The following PKD1 variants were observed in gnomAD, a reference collection of about 807,000 sequenced individuals.
PKD1 encodes the protein polycystin-1.
In PKD1, 81 loss-of-function variants were observed where a neutral mutation model predicts 361.7. That is an observed-to-expected ratio of 0.22 (90% confidence interval 0.19 to 0.27). PKD1 has a LOEUF of 0.27. Among genes scored for constraint, PKD1 ranks in the 10% least tolerant of loss-of-function variants. PKD1 has a pLI of 1.00. For synonymous variants in PKD1, 3,615 were observed against 2,818.3 expected, an observed-to-expected ratio of 1.28 and a Z score of -8.95; for missense variants, 6,399 against 6,118.3, an observed-to-expected ratio of 1.05 and a Z score of -1.53.
rs146430229 is a variant in PKD1, at chr16:2,090,595, G to A, written c.12139-5C>T. ...GTCCACACAGGAAGACACGAGCTGC[G>A]GGGAAGGCGACACCAGTGAGGGCGT... On this transcript the variant is annotated splice_region_variant and splice_polypyrimidine_tract_variant and intron_variant, in intron 44 of 45. Coordinates refer to ENST00000262304, the MANE Select transcript of PKD1 (RefSeq NM_001009944.3). 7.0e-4 allele frequency: 1,130 copies of A among 1,608,366 alleles called. No individual in the cohort carries two copies. Among genetic ancestry groups the A allele is most frequent in the Middle Eastern group, 2.0e-3 (12 of 6,038 alleles).
At chr16:2,119,092 C>G (rs1432545106) in intron 3 of PKD1, 22 bp downstream of exon 3, 1 of 1,143,278 alleles carries the variant, frequency 8.7e-7, no homozygotes, top group East Asian at 2.5e-5. Context: ...GCCAGGACCC[C>G]ACCCAAAGAA....
intron 1 of PKD1, among the ~76,000 whole-genome samples, chr16:2,125,152 G>T (rs186313899): frequency 6.6e-6 from 1 of 152,220 alleles, no homozygotes; most frequent in Non-Finnish European, 1.5e-5. Context: ...CGGCTTCCAG[G>T]GCCGGAAATG....
intron 38 of PKD1, 128 bp downstream of exon 38, chr16:2,092,826 G>C (rs1228586323): frequency 8.5e-7 from 1 of 1,180,424 alleles, no homozygotes; most frequent in Admixed American, 1.7e-5. Context: ...ACTGATGCCA[G>C]CAGCACCTAC....
At position 2,091,157 on chromosome 16, in the gene PKD1, G is replaced by A. The variant is rs776161598; in HGVS notation, c.11730C>T (p.Phe3910=). The A allele has an allele frequency of 3.6e-5, 52 of 1,457,714 alleles. No homozygotes were observed. Among genetic ancestry groups the A allele is most frequent in the Admixed American group, 4.8e-5 (2 of 41,770 alleles). The allele number at this position is 1,457,714 out of a possible 1,614,324, so 90.3% of individuals were successfully genotyped here. ...CCTCGGCCACGGCGAAGTGCACGGCGAACAGCAGCAGGCACACCTGTGGGG... is the reference window on the plus strand; with the variant it reads ...CCTCGGCCACGGCGAAGTGCACGGCAAACAGCAGCAGGCACACCTGTGGGG... The part of the protein sequence containing the change: ...PLLTSVCLLL[F]AVHFAVAEAR... Residue 3910 remains phenylalanine, a synonymous_variant, in exon 43 of 46, where the codon TTC becomes TTT. Coordinates refer to ENST00000262304, the MANE Select transcript of PKD1 (RefSeq NM_001009944.3).
At position 2,111,668 on chromosome 16, in the gene PKD1, A is replaced by G. The variant is rs769818833; in HGVS notation, c.3499T>C (p.Ser1167Pro). ...VLYTWDFGDG[S>P]PVLTQSQPAA... ...GGCTGGCTCTGGGTCAGGACAGGGG[A>G]GCCGTCCCCGAAGTCCCACGTGTAA... Residue 1167 changes from serine to proline, a missense_variant, in exon 15 of 46, where the codon TCC becomes CCC. Ser to Pro is a moderately conservative substitution (Grantham distance 74). Transcript: ENST00000262304. 7.6e-6 allele frequency: 12 copies of G among 1,575,330 alleles called. No individual in the cohort carries two copies. The South Asian group carries it at 1.3e-4, about 17-fold the overall frequency.
chr16:2,115,957 G>GCC, intron 9 of PKD1, 35 bp downstream of exon 9: 1 of 1,506,832 alleles, frequency 6.6e-7, no homozygotes, highest in Non-Finnish European at 9.0e-7. Context: ...GTCCTGCGGC[G>GCC]CCCACCACCC....
In PKD1 at chr16:2,102,585, G is replaced by A. The variant is rs770212765; in HGVS notation, c.8997C>T (p.Phe2999=). The change falls in exon 25 of 46, where the codon TTC becomes TTT. Residue 2999 remains phenylalanine (F), a synonymous_variant. Coordinates refer to ENST00000262304, the MANE Select transcript of PKD1 (RefSeq NM_001009944.3). The stretch of plus-strand genomic sequence containing the variant: ...CGGACACCTGCAGCGCCGACCAGCG[G>A]AAGTGGCTGGAGAGGTTCAGATGGT... ...GSYHLNLSSH[F]RWSALQVSVG... is the part of the protein sequence containing the mutation. 4 of 1,611,050 alleles carry A rather than the reference G, an allele frequency of 2.5e-6. No homozygotes were observed. The highest frequency in any genetic ancestry group is 4.5e-5 in the East Asian group (2 of 44,894).
rs2092065209 is a variant in PKD1 at position 2,100,793 on chromosome 16, G to A, written c.9398-227C>T. ...AGTTACATGGAAAGAACTGTAACTTGTGACATGCAAACATGGCTGCACACG... is the reference window on the plus strand; with the variant it reads ...AGTTACATGGAAAGAACTGTAACTTATGACATGCAAACATGGCTGCACACG... On this transcript the variant is annotated intron_variant, in intron 26 of 45. Transcript: ENST00000262304. The surrounding 1 kb of genome is among the most constrained non-coding windows in gnomAD (Gnocchi z 4.4). 5.2e-6 allele frequency: 3 copies of A among 582,112 alleles called. No homozygotes were observed. Among genetic ancestry groups the A allele is most frequent in the Non-Finnish European group, 9.3e-6 (3 of 324,202 alleles). The allele number at this position is 582,112 out of a possible 1,614,324, so 36.1% of individuals were successfully genotyped here. A position where few individuals can be genotyped will look rare whatever the true frequency, so the allele number is the denominator to read the frequency against.
chr16:2,129,718 GTTCTT>G, intron 1 of PKD1, among the ~76,000 whole-genome samples: 1 of 151,338 alleles, frequency 6.6e-6, no homozygotes, highest in African/African-American at 2.4e-5. Context: ...CCCGGCCAAT[GTTCTT>G]TTATTTTTTA....
chr16:2,126,011 G>T (rs1218962851), intron 1 of PKD1, among the ~76,000 whole-genome samples: 2 of 152,084 alleles, frequency 1.3e-5, no homozygotes, highest in Non-Finnish European at 2.9e-5. Context: ...TGGTGGGGGG[G>T]GGGGCAAGCA....
At chr16:2,101,619 A>T (rs1434913743) in intron 26 of PKD1, among the ~76,000 whole-genome samples, 1 of 152,232 alleles carries the variant, frequency 6.6e-6, no homozygotes, top group East Asian at 1.9e-4. Flanking sequence ...CTCCGTCTCT[A>T]AAAAAAGAAA....
chr16:2,101,170 T>C (rs1011476932), intron 26 of PKD1, among the ~76,000 whole-genome samples: 2 of 152,000 alleles, frequency 1.3e-5, no homozygotes, highest in South Asian at 2.1e-4. Flanking sequence ...GTACTTTTTA[T>C]TAGAGACAGG....
chr16:2,096,519 A>AT (rs150368306), intron 34 of PKD1, among the ~76,000 whole-genome samples: 8,688 of 151,900 alleles, frequency 0.057, 325 homozygotes, highest in Non-Finnish European at 0.076. Flanking sequence ...AAATTGAGGA[A>AT]TTTTTTTGTT....
In PKD1 at chr16:2,100,985, T is replaced by A. The variant is rs531528257; in HGVS notation, c.9398-419A>T. ...CCAGTGACAGACCCAGGTGACAGTA[T>A]TTTTTTTCTTTTTTTTTTGAGATGG... On this transcript the variant is annotated intron_variant, in intron 26 of 45. Transcript: ENST00000262304. The surrounding 1 kb of genome is among the most constrained non-coding windows in gnomAD (Gnocchi z 4.4). Among the ~76,000 whole-genome samples the A allele has an allele frequency of 1.5e-3, 230 of 151,796 alleles. No individual in the cohort carries two copies. Among genetic ancestry groups the A allele is most frequent in the South Asian group, 5.4e-3 (26 of 4,796 alleles).
chr16:2,100,014 A>C lies in PKD1; in HGVS notation c.9770T>G (p.Phe3257Cys). Residue 3257 changes from phenylalanine to cysteine, a missense_variant, in exon 29 of 46, where the codon TTC becomes TGC. Physicochemically the swap from Phe to Cys is radical, Grantham distance 205. Transcript: ENST00000262304. The surrounding 1 kb of genome is among the most constrained non-coding windows in gnomAD (Gnocchi z 4.4). ...GGAGAGCCAGATGTGCTTGTCAAAG[A>C]AGCCACGCTGCAGCTCAGCCACCAG... ...RLLVAELQRG[F>C]FDKHIWLSIW... The C allele has an allele frequency of 6.4e-7, 1 of 1,573,366 alleles. No individual in the cohort carries two copies. Among genetic ancestry groups the C allele is most frequent in the Non-Finnish European group, 8.6e-7 (1 of 1,161,016 alleles).
intron 25 of PKD1, 35 bp from the exon 26 acceptor site, chr16:2,102,291 C>T (rs979193258): frequency 2.5e-5 from 37 of 1,471,406 alleles, no homozygotes; most frequent in South Asian, 3.6e-5. Flanking sequence ...CAGGAGGTCA[C>T]GTGCAAGCTG....
chr16:2,103,341 C>T lies in PKD1; in HGVS notation c.8716G>A (p.Gly2906Ser), dbSNP rs376611349. Residue 2906 changes from glycine to serine, a missense_variant, in exon 23 of 46, where the codon GGT (glycine) becomes AGT (serine). Transcript: ENST00000262304. The part of the protein sequence containing the change: ...SVVVQPQASV[G>S]AVVTLDSSNP... ...CTGCTGTCCAGGGTGACCACAGCAC[C>T]GACGGAGGCCTGGGGCTGGACCACA... 131 of 1,606,002 alleles carry T rather than the reference C, an allele frequency of 8.2e-5. No individual in the cohort carries two copies. The highest frequency in any genetic ancestry group is 6.9e-4 in the South Asian group (63 of 90,978).
At chr16:2,131,821 T>G (rs1222726079) in intron 1 of PKD1, 1 of 151,838 alleles carries the variant, frequency 6.6e-6, no homozygotes, top group African/African-American at 2.4e-5. Flanking sequence ...AGACTCCGTC[T>G]CAAACAAAAC....
At position 2,114,306 on chromosome 16, in the gene PKD1, TC is replaced by T. The variant is rs1245949015; in HGVS notation, c.2716del (p.Glu906SerfsTer21). The T allele has an allele frequency of 6.2e-7, 1 of 1,610,412 alleles. No homozygotes were observed. Among genetic ancestry groups the T allele is most frequent in the African/African-American group, 1.3e-5 (1 of 74,936 alleles). ...VVALPWLSEGEHVVDVVVENS... is the reference protein window; with the variant it reads ...VVALPWLSEGXHVVDVVVENS... ...TTCCACCACCACGTCCACCACGTGC[TC>T]CCCCTCACTGAGCCACGGCAGTGCT... On this transcript the variant is annotated frameshift_variant, in exon 11 of 46. Transcript: ENST00000262304. LOFTEE classifies it high-confidence loss of function.
Sources: allele counts gnomAD v4.1 joint callset (sites outside exome capture counted in the v4.1 genomes callset), GRCh38; gene constraint gnomAD v4.1.1; non-coding constraint Gnocchi (gnomAD v3.1); transcripts MANE v1.5; gene names NCBI Gene and HGNC (gene_info 2026-07-23, HGNC 2026-07-21).